The following SEC22C variants were observed in gnomAD, a reference collection of about 807,000 sequenced individuals.
SEC22C encodes vesicle-trafficking protein SEC22c.
A neutral mutation model predicts 34.7 loss-of-function variants in SEC22C; 29 were observed. The ratio of observed to expected loss-of-function variants is 0.84; its 90% confidence interval spans 0.62 to 1.14. SEC22C has a LOEUF of 1.14. SEC22C is among the 50% of genes most tolerant of loss of function. The pLI is 0.00. For missense variants in SEC22C, 337 were observed against 369.0 expected (o/e 0.91, Z 0.71); for synonymous variants, 117 against 132.8 (o/e 0.88, Z 0.82).
At chr3:42,590,883 C>A (rs767398659) in intron 1 of SEC22C, 1 of 1,549,272 alleles carries the variant, frequency 6.5e-7, no homozygotes, top group East Asian at 2.6e-5. Context: ...GTCGTGGTTC[C>A]GGAGGTTCCT....
At chr3:42,571,061 A>C (rs1377882877) in intron 1 of SEC22C, among the ~76,000 whole-genome samples, 1 of 152,232 alleles carries the variant, frequency 6.6e-6, no homozygotes, top group Non-Finnish European at 1.5e-5. Context: ...AAAGGAAAGC[A>C]GTGTGCACTG....
chr3:42,573,021 CT>C (rs56862964), intron 1 of SEC22C, among the ~76,000 whole-genome samples: 1 of 151,340 alleles, frequency 6.6e-6, no homozygotes, highest in Non-Finnish European at 1.5e-5. Context: ...CACACCACTA[CT>C]TTTTTTTTCT....
intron 1 of SEC22C, chr3:42,594,524 T>A (rs776899700): frequency 6.2e-7 from 1 of 1,605,480 alleles, no homozygotes; most frequent in South Asian, 1.1e-5. Flanking sequence ...TCAAAAGCAA[T>A]AGAATAATCT....
intron 1 of SEC22C, chr3:42,600,889 C>T (rs983481654): frequency 6.8e-6 from 5 of 739,014 alleles, no homozygotes; most frequent in Non-Finnish European, 9.9e-6. Context: ...GCGTGAGGCA[C>T]CGTGGCGCGG....
At position 42,550,169 on chromosome 3, in the gene SEC22C, G is replaced by A. The variant is rs937594906; in HGVS notation, c.*3079C>T. The stretch of plus-strand genomic sequence containing the variant: ...ACACTCTGGCCTTGATACAGTAGAT[G>A]GGACTTAACACACTCTGATGCTCAA... On this transcript the variant is annotated 3_prime_UTR_variant, in exon 7 of 7. Coordinates refer to ENST00000264454, the MANE Select transcript of SEC22C (RefSeq NM_032970.4). 1 of 985,332 alleles carries A rather than the reference G, an allele frequency of 1.0e-6. No homozygotes were observed. Among genetic ancestry groups the A allele is most frequent in the Non-Finnish European group, 1.2e-6 (1 of 829,948 alleles). 61.0% of individuals were successfully genotyped at this position (985,332 alleles called of 1,614,324 possible).
chr3:42,583,276 G>A (rs1704494314), upstream of SEC22C, among the ~76,000 whole-genome samples: 1 of 152,222 alleles, frequency 6.6e-6, no homozygotes, highest in Non-Finnish European at 1.5e-5. Context: ...AGAGAGAATG[G>A]AGCTGGAGTG....
chr3:42,581,471 G>A (rs1324378812), intron 1 of SEC22C: 1 of 152,246 alleles, frequency 6.6e-6, no homozygotes, highest in Non-Finnish European at 1.5e-5. Context: ...GCATGCTAAG[G>A]GAAGTTTGCT....
At chr3:42,554,363 T>A (rs892563207) in intron 6 of SEC22C, among the ~76,000 whole-genome samples, 2 of 152,202 alleles carry the variant, frequency 1.3e-5, no homozygotes, top group African/African-American at 2.4e-5. Flanking sequence ...TCATTTTTTT[T>A]AGGCAATGTC....
intron 4 of SEC22C, among the ~76,000 whole-genome samples, chr3:42,560,161 T>A (rs1314991537): frequency 1.1e-4 from 16 of 145,470 alleles, no homozygotes; most frequent in Non-Finnish European, 2.1e-4. Flanking sequence ...TTTATATATA[T>A]TATATATATT....
chr3:42,563,829 T>C, intron 2 of SEC22C, 143 bp from the exon 3 acceptor site: 1 of 1,528,142 alleles, frequency 6.5e-7, no homozygotes, highest in Non-Finnish European at 8.8e-7. Flanking sequence ...ATATTGTCTC[T>C]TCAGTTCGAC....
At chr3:42,586,379 T>A (rs1704608546), upstream of SEC22C, among the ~76,000 whole-genome samples, 1 of 152,060 alleles carries the variant, frequency 6.6e-6, no homozygotes, top group Non-Finnish European at 1.5e-5. Flanking sequence ...TGTGCCACCA[T>A]GCCTGGCTAA....
In SEC22C at chr3:42,549,273, C is replaced by T; in HGVS notation, c.*3975G>A. On this transcript the variant is annotated 3_prime_UTR_variant, in exon 7 of 7. Transcript: ENST00000264454. The stretch of plus-strand genomic sequence containing the variant: ...ATCACCATAAATGCTCCCACCCCTG[C>T]CTGTCCTCACTTGTGCTGCACTATG... The T allele has an allele frequency of 5.1e-6, 5 of 986,280 alleles. No individual in the cohort carries two copies. Among genetic ancestry groups the T allele is most frequent in the Non-Finnish European group, 6.0e-6 (5 of 830,530 alleles). The allele number at this position is 986,280 out of a possible 1,614,324, so 61.1% of individuals were successfully genotyped here. A position where few individuals can be genotyped will look rare whatever the true frequency, so the allele number is the denominator to read the frequency against.
At position 42,548,430 on chromosome 3, in the gene SEC22C, G is replaced by A; in HGVS notation, c.*4818C>T. 1.5e-6 allele frequency: 1 copy of A among 648,142 alleles called. No homozygotes were observed. Among genetic ancestry groups the A allele is most frequent in the East Asian group, 2.7e-5 (1 of 36,486 alleles). The allele number at this position is 648,142 out of a possible 1,614,324, so 40.1% of individuals were successfully genotyped here. On this transcript the variant is annotated 3_prime_UTR_variant, in exon 7 of 7. Coordinates refer to ENST00000264454, the MANE Select transcript of SEC22C (RefSeq NM_032970.4). ...TTACCCTAAATAAAAGGCGCTTGTG[G>A]GCAACAGCTCTGCCATCAATACACA...
At chr3:42,560,634 T>C (rs976234299) in intron 4 of SEC22C, among the ~76,000 whole-genome samples, 1 of 152,078 alleles carries the variant, frequency 6.6e-6, no homozygotes, top group Non-Finnish European at 1.5e-5. Flanking sequence ...ACTGTCATAA[T>C]AGTCAATTTT....
In SEC22C at chr3:42,551,684, T is replaced by TAA. The variant is rs777049125; in HGVS notation, c.*1562_*1563dup. On this transcript the variant is annotated 3_prime_UTR_variant, in exon 7 of 7. Transcript: ENST00000264454. ...TGGTCAAAAATAGAAAATTCTATTA[T>TAA]AAAAAATAAAGTTACTATGGCAACA... 1.0e-4 allele frequency: 99 copies of TAA among 963,888 alleles called. No homozygotes were observed. The highest frequency in any genetic ancestry group is 1.2e-4 in the Non-Finnish European group (96 of 810,438). The allele number at this position is 963,888 out of a possible 1,614,324, so 59.7% of individuals were successfully genotyped here.
chr3:42,574,955 C>A (rs1039925521), intron 1 of SEC22C, among the ~76,000 whole-genome samples: 2 of 152,148 alleles, frequency 1.3e-5, no homozygotes, highest in African/African-American at 2.4e-5. Flanking sequence ...GATCCTTCTG[C>A]CTCAGCCTCC....
At chr3:42,553,530 C>T (rs1486495650) in intron 6 of SEC22C, 82 bp from the exon 7 acceptor site, 1 of 1,523,920 alleles carries the variant, frequency 6.6e-7, no homozygotes, top group Non-Finnish European at 8.8e-7. Context: ...CCCACAGCTT[C>T]CATGAAGAGT....
At chr3:42,599,430 C>A (rs1018324346) in intron 1 of SEC22C, among the ~76,000 whole-genome samples, 1 of 151,092 alleles carries the variant, frequency 6.6e-6, no homozygotes, top group Non-Finnish European at 1.5e-5. Flanking sequence ...CGGTGGCTCA[C>A]GCCTGTAATC....
At chr3:42,587,512 A>G (rs1324692016) in intron 1 of SEC22C, 2 of 151,720 alleles carry the variant, frequency 1.3e-5, no homozygotes, top group Admixed American at 6.6e-5. Flanking sequence ...GCGGATCACG[A>G]GGTCAGGAAA....
Sources: allele counts gnomAD v4.1 joint callset (sites outside exome capture counted in the v4.1 genomes callset), GRCh38; gene constraint gnomAD v4.1.1; transcripts MANE v1.5; gene names NCBI Gene and HGNC (gene_info 2026-07-23, HGNC 2026-07-21).